The following PYGO1 variants were observed in gnomAD, a reference collection of about 807,000 sequenced individuals.
The protein encoded by PYGO1 is pygopus homolog 1.
PYGO1 carries 6 observed loss-of-function variants against 29.5 expected under a neutral mutation model. The observed-to-expected ratio is 0.20, with a 90% confidence interval of 0.11 to 0.40. PYGO1 has a LOEUF of 0.40. Among genes scored for constraint, PYGO1 ranks in the 10% least tolerant of loss-of-function variants. PYGO1 has a pLI of 1.00. For synonymous variants in PYGO1, 186 were observed against 180.5 expected, an observed-to-expected ratio of 1.03 and a Z score of -0.24; for missense variants, 515 against 514.9, an observed-to-expected ratio of 1.00 and a Z score of 0.00.
intron 1 of PYGO1, among the ~76,000 whole-genome samples, chr15:55,560,192 G>A (rs1567054234): frequency 1.3e-5 from 2 of 152,024 alleles, no homozygotes; most frequent in Admixed American, 1.3e-4. Flanking sequence ...AGGGCAATCA[G>A]GCAAGAGAAA....
chr15:55,587,159 T>A (rs1595998142), intron 1 of PYGO1, among the ~76,000 whole-genome samples: 1 of 152,222 alleles, frequency 6.6e-6, no homozygotes, highest in African/African-American at 2.4e-5. Context: ...GTATCTTTTG[T>A]TTGACACATG....
At chr15:55,566,273 C>T (rs551134509) in intron 1 of PYGO1, among the ~76,000 whole-genome samples, 16 of 152,150 alleles carry the variant, frequency 1.1e-4, no homozygotes, top group African/African-American at 3.4e-4. Context: ...ATCTTTATGT[C>T]CATGAGTAAC....
At chr15:55,587,764 G>A (rs2059054943) in intron 1 of PYGO1, 71 bp downstream of exon 1, 11 of 1,440,616 alleles carry the variant, frequency 7.6e-6, no homozygotes, top group African/African-American at 2.9e-5. Flanking sequence ...ATGGCCTCCC[G>A]GCGGCCGGGC....
chr15:55,552,361 CAA>C (rs56789656), intron 1 of PYGO1, among the ~76,000 whole-genome samples: 99 of 52,990 alleles, frequency 1.9e-3, no homozygotes, highest in African/African-American at 4.6e-3. Flanking sequence ...ACTCTGTCTC[CAA>C]AAAAAAAAAA....
chr15:55,551,899 G>A (rs1032719353), intron 1 of PYGO1, among the ~76,000 whole-genome samples: 1 of 151,846 alleles, frequency 6.6e-6, no homozygotes, highest in East Asian at 1.9e-4. Context: ...TGACAAAGCG[G>A]GATTTTTCCC....
intron 1 of PYGO1, among the ~76,000 whole-genome samples, chr15:55,576,443 G>A (rs1366885983): frequency 1.5e-3 from 95 of 64,814 alleles, no homozygotes; most frequent in African/African-American, 5.7e-3. Flanking sequence ...GCGACAGAGC[G>A]AGACTCCGTC....
intron 1 of PYGO1, among the ~76,000 whole-genome samples, chr15:55,557,251 C>T (rs1038885472): frequency 7.2e-5 from 11 of 151,932 alleles, no homozygotes; most frequent in African/African-American, 2.4e-4. Flanking sequence ...AGAAGAAATG[C>T]ATAAATTCCT....
intron 1 of PYGO1, among the ~76,000 whole-genome samples, chr15:55,561,593 G>T (rs1031055314): frequency 1.3e-5 from 2 of 152,114 alleles, no homozygotes; most frequent in African/African-American, 4.8e-5. Context: ...TAAGCCAATC[G>T]CTTCCCACCA....
chr15:55,574,419 T>C lies in PYGO1; in HGVS notation c.49+13416A>G, dbSNP rs116793367. On this transcript the variant is annotated intron_variant, in intron 1 of 2. Transcript: ENST00000563719. The stretch of plus-strand genomic sequence containing the variant: ...TAGGGTCTGCAAATGCTTGTGTAAG[T>C]TTTGATAAATTTTAACTTTTTGTAA... Among the ~76,000 whole-genome samples, 847 of 152,348 alleles carry C rather than the reference T, an allele frequency of 5.6e-3. 10 individuals are homozygous for C. The highest frequency in any genetic ancestry group is 0.019 in the African/African-American group (802 of 41,580).
intron 1 of PYGO1, among the ~76,000 whole-genome samples, chr15:55,569,177 C>T (rs1021166155): frequency 6.6e-6 from 1 of 151,686 alleles, no homozygotes; most frequent in Non-Finnish European, 1.5e-5. Context: ...GGTACCAGCT[C>T]TTCTCTTTTT....
At position 55,542,557 on chromosome 15, in the gene PYGO1, AAC is replaced by A. The variant is rs1429567297; in HGVS notation, c.*3464_*3465del. ...CTGTTTCAGTATTAGTGAATCGAGTAACACCTAGAAGCATGTGGACCACAAAT... is the reference window on the plus strand; with the variant it reads ...CTGTTTCAGTATTAGTGAATCGAGTAACCTAGAAGCATGTGGACCACAAAT... On this transcript the variant is annotated 3_prime_UTR_variant, in exon 3 of 3. Coordinates refer to ENST00000563719, the MANE Select transcript of PYGO1 (RefSeq NM_001367806.1). 6.6e-6 allele frequency: 1 copy of A among 152,210 alleles called. No individual in the cohort carries two copies. Among genetic ancestry groups the A allele is most frequent in the African/African-American group, 2.4e-5 (1 of 41,450 alleles). The allele number at this position is 152,210 out of a possible 1,614,324, so 9.4% of individuals were successfully genotyped here. A position where few individuals can be genotyped will look rare whatever the true frequency, so the allele number is the denominator to read the frequency against.
In PYGO1 at chr15:55,545,887, G is replaced by A. The variant is rs1355083332; in HGVS notation, c.*136C>T. 2.0e-6 allele frequency: 2 copies of A among 1,009,552 alleles called. No individual in the cohort carries two copies. The highest frequency in any genetic ancestry group is 2.8e-6 in the Non-Finnish European group (2 of 712,732). The allele number at this position is 1,009,552 out of a possible 1,614,324, so 62.5% of individuals were successfully genotyped here. A position where few individuals can be genotyped will look rare whatever the true frequency, so the allele number is the denominator to read the frequency against. On this transcript the variant is annotated 3_prime_UTR_variant, in exon 3 of 3. Transcript: ENST00000563719. Reference sequence around the variant, plus strand: ...ACAATAAAAAATTTGCTCTAGTGATGAAGTGATTAATAAAAACTAAGTAAA... The same window carrying A: ...ACAATAAAAAATTTGCTCTAGTGATAAAGTGATTAATAAAAACTAAGTAAA...
At chr15:55,561,649 G>T (rs1487248072) in intron 1 of PYGO1, among the ~76,000 whole-genome samples, 1 of 152,102 alleles carries the variant, frequency 6.6e-6, no homozygotes, top group Non-Finnish European at 1.5e-5. Flanking sequence ...GATGAGATTT[G>T]CACAGGGACA....
At chr15:55,571,634 T>C (rs572780207) in intron 1 of PYGO1, among the ~76,000 whole-genome samples, 16 of 152,198 alleles carry the variant, frequency 1.1e-4, no homozygotes, top group Admixed American at 6.5e-5. Context: ...TTGCTCCACC[T>C]TGCTTTCCAC....
rs1174596927 is a variant in PYGO1 at position 55,553,731 on chromosome 15, C to T, written c.50-4736G>A. Among the ~76,000 whole-genome samples, 5 of 152,100 alleles carry T rather than the reference C, an allele frequency of 3.3e-5. No individual in the cohort carries two copies. The East Asian group carries it at 7.7e-4, about 24-fold the overall frequency. ...CAGCCTCTAGACAGTGGTGAAACCTCTGAACCGGGGTCTCCAGATACCTCC... is the reference window on the plus strand; with the variant it reads ...CAGCCTCTAGACAGTGGTGAAACCTTTGAACCGGGGTCTCCAGATACCTCC... On this transcript the variant is annotated intron_variant, in intron 1 of 2. Transcript: ENST00000563719.
chr15:55,553,401 T>C (rs866235252), intron 1 of PYGO1, among the ~76,000 whole-genome samples: 9 of 121,980 alleles, frequency 7.4e-5, no homozygotes, highest in African/African-American at 3.2e-4. Flanking sequence ...ACTGCTTCCT[T>C]TTTTTTTTTT....
chr15:55,583,836 T>C (rs946561300), intron 1 of PYGO1, among the ~76,000 whole-genome samples: 1 of 152,140 alleles, frequency 6.6e-6, no homozygotes, highest in African/African-American at 2.4e-5. Context: ...CTTTGAAATG[T>C]GGTTTCCTCC....
At chr15:55,574,849 CTATAG>C (rs926145297) in intron 1 of PYGO1, among the ~76,000 whole-genome samples, 2 of 151,998 alleles carry the variant, frequency 1.3e-5, no homozygotes, top group African/African-American at 4.8e-5. Context: ...CCTTCATTTG[CTATAG>C]TATATTTCAA....
At position 55,540,605 on chromosome 15, in the gene PYGO1, T is replaced by C. The variant is rs1451221662; in HGVS notation, c.*5418A>G. 1 of 152,108 alleles carries C rather than the reference T, an allele frequency of 6.6e-6. No individual in the cohort carries two copies. Among genetic ancestry groups the C allele is most frequent in the Non-Finnish European group, 1.5e-5 (1 of 67,986 alleles). 9.4% of individuals were successfully genotyped at this position (152,108 alleles called of 1,614,324 possible). A position where few individuals can be genotyped will look rare whatever the true frequency, so the allele number is the denominator to read the frequency against. ...TTGATGTTTCACATACTTCATAGAG[T>C]AGCTTAAAACATACCAGCATAAGAA... On this transcript the variant is annotated 3_prime_UTR_variant, in exon 3 of 3. Coordinates refer to ENST00000563719, the MANE Select transcript of PYGO1 (RefSeq NM_001367806.1).
Sources: allele counts gnomAD v4.1 joint callset (sites outside exome capture counted in the v4.1 genomes callset), GRCh38; gene constraint gnomAD v4.1.1; transcripts MANE v1.5; gene names NCBI Gene and HGNC (gene_info 2026-07-23, HGNC 2026-07-21).